EXOC4: variants seen among roughly 807,000 people sequenced by gnomAD.
EXOC4 encodes the protein SEC8-like 1.
A neutral mutation model predicts 107.2 loss-of-function variants in EXOC4; 71 were observed. That is an observed-to-expected ratio of 0.66 (90% CI 0.55 to 0.81). The LOEUF (loss-of-function observed/expected upper bound fraction) is 0.81, where lower values mean the gene tolerates loss of function less well. Among genes scored for constraint, EXOC4 ranks in the 30% least tolerant of loss-of-function variants. The probability of loss-of-function intolerance (pLI) is 0.00; values close to 1 mark genes in which losing one functional copy is unlikely to be tolerated. For missense variants in EXOC4, 1,108 were observed against 1,189.6 expected, an observed-to-expected ratio of 0.93 and a Z score of 1.01; for synonymous variants, 456 against 441.2, an observed-to-expected ratio of 1.03 and a Z score of -0.42.
chr7:133,686,993 TTGTGTGTG>T (rs1027053373), intron 10 of EXOC4, among the ~76,000 whole-genome samples: 236 of 7,594 alleles, frequency 0.031, 1 homozygote, highest in African/African-American at 0.053. Flanking sequence ...ATAAAGAATT[TTGTGTGTG>T]TGTGTGTGTG....
the EXOC4 span, among the ~76,000 whole-genome samples, chr7:134,099,727 T>C: frequency 6.6e-6 from 1 of 151,872 alleles, no homozygotes; most frequent in Non-Finnish European, 1.5e-5. Context: ...AGACGGGGTT[T>C]CACCGTTTTG....
At chr7:133,816,867 A>T (rs1797382051) in intron 10 of EXOC4, among the ~76,000 whole-genome samples, 1 of 152,138 alleles carries the variant, frequency 6.6e-6, no homozygotes, top group Admixed American at 6.5e-5. Flanking sequence ...CTGGCTGCTC[A>T]CCACCTGCTG....
chr7:133,601,819 C>T (rs1297528765), intron 9 of EXOC4: 2 of 152,260 alleles, frequency 1.3e-5, no homozygotes, highest in African/African-American at 4.8e-5. Flanking sequence ...AAAAATAGAG[C>T]TACTGGTGGA....
chr7:133,887,140 C>T (rs1799102245), intron 11 of EXOC4, among the ~76,000 whole-genome samples: 1 of 152,192 alleles, frequency 6.6e-6, no homozygotes, highest in Non-Finnish European at 1.5e-5. Context: ...AGTGGGTATG[C>T]AGAGGTGTTC....
chr7:133,652,720 C>T (rs748337928), intron 10 of EXOC4, among the ~76,000 whole-genome samples: 6 of 152,134 alleles, frequency 3.9e-5, no homozygotes, highest in Admixed American at 6.5e-5. Flanking sequence ...TTGGCCTTTC[C>T]GCCTCCGAGC....
At chr7:133,627,829 A>T (rs570404739) in intron 9 of EXOC4, among the ~76,000 whole-genome samples, 1 of 152,240 alleles carries the variant, frequency 6.6e-6, no homozygotes, top group African/African-American at 2.4e-5. Flanking sequence ...TGAGTATGCC[A>T]TTGTATTTTT....
intron 14 of EXOC4, among the ~76,000 whole-genome samples, chr7:133,951,270 A>G (rs970864227): frequency 2.6e-5 from 4 of 152,212 alleles, no homozygotes; most frequent in Non-Finnish European, 4.4e-5. Flanking sequence ...GCATAACTCA[A>G]TAGAGGAGTA....
intron 7 of EXOC4, among the ~76,000 whole-genome samples, chr7:133,416,647 G>C (rs1797480840): frequency 6.6e-6 from 1 of 152,178 alleles, no homozygotes; most frequent in Non-Finnish European, 1.5e-5. Context: ...CCTCACTCAT[G>C]ATCGGTCAAT....
the EXOC4 span, among the ~76,000 whole-genome samples, chr7:134,085,343 A>T: frequency 1.3e-5 from 2 of 152,152 alleles, no homozygotes; most frequent in African/African-American, 4.8e-5. Context: ...AAAAAAAAAA[A>T]AACCAACTTT....
intron 14 of EXOC4, among the ~76,000 whole-genome samples, chr7:133,943,334 GT>G (rs1373595294): frequency 6.6e-6 from 1 of 152,144 alleles, no homozygotes; most frequent in African/African-American, 2.4e-5. Flanking sequence ...GAAGGTTGAT[GT>G]TTTTGGCTCT....
intron 7 of EXOC4, among the ~76,000 whole-genome samples, chr7:133,473,439 T>G (rs1239209968): frequency 6.6e-6 from 1 of 152,204 alleles, no homozygotes; most frequent in Non-Finnish European, 1.5e-5. Flanking sequence ...TATAGACCTG[T>G]GCTTATTTGG....
At chr7:133,320,734 C>G (rs906916320) in intron 5 of EXOC4, among the ~76,000 whole-genome samples, 1 of 152,088 alleles carries the variant, frequency 6.6e-6, no homozygotes. Context: ...AATTATGTAG[C>G]GAAATCTTTT....
chr7:134,057,344 T>C (rs778273177), intron 17 of EXOC4, among the ~76,000 whole-genome samples: 1 of 150,220 alleles, frequency 6.7e-6, no homozygotes, highest in African/African-American at 2.5e-5. Flanking sequence ...CAAAAACCTA[T>C]ACAATCCGTT....
intron 11 of EXOC4, among the ~76,000 whole-genome samples, chr7:133,850,984 C>G (rs377169576): frequency 2.6e-5 from 4 of 152,320 alleles, no homozygotes; most frequent in African/African-American, 9.6e-5. Flanking sequence ...GAGGAAGTTT[C>G]TAGAATTCTC....
At position 133,917,694 on chromosome 7, in the gene EXOC4, C is replaced by T. The variant is rs763496063; in HGVS notation, c.1983C>T (p.Pro661=). 3 of 1,614,020 alleles carry T rather than the reference C, an allele frequency of 1.9e-6. No individual in the cohort carries two copies. Among genetic ancestry groups the T allele is most frequent in the East Asian group, 2.2e-5 (1 of 44,850 alleles). The change falls in exon 13 of 18, where the codon CCC becomes CCT. Residue 661 remains proline (P), a synonymous_variant. Transcript: ENST00000253861. ...SLPNWMNMAQ[P]KQLRPKREEE... is the part of the protein sequence containing the mutation. ...CAAACTGGATGAATATGGCTCAACC[C>T]AAACAGCTGAGGCCAAAAAGAGAGG...
intron 10 of EXOC4, among the ~76,000 whole-genome samples, chr7:133,736,513 A>G (rs1367908280): frequency 1.3e-5 from 2 of 152,226 alleles, no homozygotes; most frequent in East Asian, 1.9e-4. Context: ...CTAACTCATC[A>G]GTATAATACC....
At chr7:133,365,167 T>C (rs1268836960) in intron 6 of EXOC4, among the ~76,000 whole-genome samples, 4 of 152,268 alleles carry the variant, frequency 2.6e-5, no homozygotes, top group Non-Finnish European at 5.9e-5. Flanking sequence ...ACAATTCCTC[T>C]AGGGGCATTC....
chr7:133,642,821 C>G (rs1802891249), intron 10 of EXOC4, among the ~76,000 whole-genome samples: 1 of 152,128 alleles, frequency 6.6e-6, no homozygotes. Context: ...GCCACGAATC[C>G]TTCCTTTTTC....
chr7:133,844,783 T>C (rs1335928195), intron 11 of EXOC4, among the ~76,000 whole-genome samples: 1 of 152,074 alleles, frequency 6.6e-6, no homozygotes, highest in Non-Finnish European at 1.5e-5. Context: ...AAGTATCATA[T>C]GCCTCAAACT....
Sources: allele counts gnomAD v4.1 joint callset (sites outside exome capture counted in the v4.1 genomes callset), GRCh38; gene constraint gnomAD v4.1.1; transcripts MANE v1.5; gene names NCBI Gene and HGNC (gene_info 2026-07-23, HGNC 2026-07-21).